The following VWA8 variants were observed in gnomAD, a reference collection of about 807,000 sequenced individuals.
VWA8 encodes the protein von Willebrand factor A domain-containing protein 8.
VWA8 carries 221 observed loss-of-function variants against 241.5 expected under a neutral mutation model. That is an observed-to-expected ratio of 0.91 (90% CI 0.82 to 1.02). The LOEUF (loss-of-function observed/expected upper bound fraction) is 1.02, where lower values mean the gene tolerates loss of function less well. VWA8 is among the 50% of genes least tolerant of loss of function. VWA8 has a pLI of 0.00. For synonymous variants in VWA8, 852 were observed against 827.1 expected, an observed-to-expected ratio of 1.03 and a Z score of -0.52; for missense variants, 2,322 against 2,328.7, an observed-to-expected ratio of 1.00 and a Z score of 0.06.
intron 20 of VWA8, among the ~76,000 whole-genome samples, chr13:41,763,410 A>T (rs1449472705): frequency 6.6e-6 from 1 of 152,198 alleles, no homozygotes; most frequent in Non-Finnish European, 1.5e-5. Flanking sequence ...AGGTTATCGG[A>T]GCTGAATGTC....
chr13:41,897,089 T>C (rs1875145589), intron 4 of VWA8, among the ~76,000 whole-genome samples: 1 of 152,206 alleles, frequency 6.6e-6, no homozygotes, highest in Admixed American at 6.5e-5. Flanking sequence ...GCTCCATCTT[T>C]ACCTGTGAAA....
chr13:41,771,664 T>C (rs1300868782), intron 20 of VWA8, among the ~76,000 whole-genome samples: 1 of 152,168 alleles, frequency 6.6e-6, no homozygotes, highest in Non-Finnish European at 1.5e-5. Context: ...CTGCAACTTC[T>C]GCCTCCCATA....
At chr13:41,797,863 TCTAA>T (rs920548167) in intron 17 of VWA8, among the ~76,000 whole-genome samples, 2 of 152,178 alleles carry the variant, frequency 1.3e-5, no homozygotes, top group African/African-American at 4.8e-5. Flanking sequence ...AATCAGAATC[TCTAA>T]CTGTTATCTG....
chr13:41,689,239 C>T (rs2045158434), intron 34 of VWA8, 115 bp downstream of exon 34: 2 of 1,164,474 alleles, frequency 1.7e-6, no homozygotes, highest in Non-Finnish European at 2.3e-6. Flanking sequence ...AGACTTGATC[C>T]AACATGTTTA....
chr13:41,737,220 G>A (rs767760710), intron 21 of VWA8, among the ~76,000 whole-genome samples: 15 of 152,192 alleles, frequency 9.9e-5, no homozygotes, highest in Non-Finnish European at 1.9e-4. Flanking sequence ...CATTGACTGA[G>A]AGAAGTAAAT....
rs933848128 is a variant in VWA8, at chr13:41,898,859, G to A, written c.484-7272C>T. Among the ~76,000 whole-genome samples, 12 of 152,270 alleles carry A rather than the reference G, an allele frequency of 7.9e-5. No homozygotes were observed. The South Asian group carries it at 1.7e-3, about 21-fold the overall frequency. ...CTCATTGCCCGGGGCCTGCAGGGCC[G>A]GCCGGCTGCTCCGAGTGTGGGCCCG... On this transcript the variant is annotated intron_variant, in intron 4 of 44. Transcript: ENST00000379310.
chr13:41,705,951 C>T (rs1322821216), intron 26 of VWA8, among the ~76,000 whole-genome samples: 1 of 152,110 alleles, frequency 6.6e-6, no homozygotes, highest in East Asian at 1.9e-4. Context: ...GAATACATCC[C>T]AAATTGGTTC....
chr13:41,759,141 G>C (rs1424635738), intron 21 of VWA8, among the ~76,000 whole-genome samples: 1 of 151,478 alleles, frequency 6.6e-6, no homozygotes, highest in Non-Finnish European at 1.5e-5. Context: ...ACACAGGTCT[G>C]CTGATAAAAA....
intron 4 of VWA8, among the ~76,000 whole-genome samples, chr13:41,897,354 CCT>C (rs1471701770): frequency 1.3e-5 from 2 of 152,068 alleles, no homozygotes; most frequent in Non-Finnish European, 2.9e-5. Flanking sequence ...CACAATGAGA[CCT>C]CTCACTCCAG....
In VWA8 at chr13:41,587,586, C is replaced by T; in HGVS notation, c.5197G>A (p.Gly1733Ser). The change falls in exon 42 of 45, where the codon GGC (glycine) becomes AGC (serine). Residue 1733 changes from glycine (G) to serine (S), a missense_variant. Gly to Ser is a moderately conservative substitution (Grantham distance 56). Coordinates refer to ENST00000379310, the MANE Select transcript of VWA8 (RefSeq NM_015058.2). ...GCCTCCATTGTGCGCTCAAGCCGGC[C>T]ATCCATCCTGTTGAAACGGTACATG... ...GSMYRFNRMD[G>S]RLERTMEAVC... The T allele has an allele frequency of 2.5e-6, 4 of 1,614,206 alleles. No homozygotes were observed. The highest frequency in any genetic ancestry group is 2.5e-6 in the Non-Finnish European group (3 of 1,180,040).
chr13:41,730,977 C>T (rs1472336056), intron 22 of VWA8, among the ~76,000 whole-genome samples: 1 of 150,438 alleles, frequency 6.6e-6, no homozygotes, highest in Non-Finnish European at 1.5e-5. Flanking sequence ...CTAACCTGCA[C>T]ATTGTGCACA....
intron 43 of VWA8, among the ~76,000 whole-genome samples, chr13:41,575,187 C>T (rs1469733193): frequency 6.6e-6 from 1 of 152,048 alleles, no homozygotes; most frequent in Non-Finnish European, 1.5e-5. Flanking sequence ...TGTATGTTCT[C>T]ACTTATAGGT....
At chr13:41,671,944 A>T (rs1769495934) in intron 36 of VWA8, among the ~76,000 whole-genome samples, 1 of 152,222 alleles carries the variant, frequency 6.6e-6, no homozygotes, top group South Asian at 2.1e-4. Flanking sequence ...GCACATTAAA[A>T]GACAAGATAT....
intron 21 of VWA8, 28 bp from the exon 22 acceptor site, chr13:41,732,183 T>C: frequency 6.3e-7 from 1 of 1,591,968 alleles, no homozygotes; most frequent in South Asian, 1.1e-5. Context: ...CATTTTATAG[T>C]TAGGAAGGAA....
intron 3 of VWA8, 86 bp from the exon 4 acceptor site, chr13:41,907,782 G>A (rs1284226853): frequency 8.6e-7 from 1 of 1,168,258 alleles, no homozygotes; most frequent in African/African-American, 1.5e-5. Context: ...CAATGCCATT[G>A]CCCATGAGAA....
At chr13:41,784,747 T>TACATACACACAC (rs1869101924) in intron 18 of VWA8, among the ~76,000 whole-genome samples, 1 of 103,524 alleles carries the variant, frequency 9.7e-6, no homozygotes. Flanking sequence ...CATATATATA[T>TACATACACACAC]ATATATATAT....
chr13:41,622,604 GGTAA>G (rs1245599080), intron 37 of VWA8, among the ~76,000 whole-genome samples: 1 of 152,112 alleles, frequency 6.6e-6, no homozygotes, highest in African/African-American at 2.4e-5. Flanking sequence ...CTTTCTTTTA[GGTAA>G]GTGTGCTATA....
intron 1 of VWA8, among the ~76,000 whole-genome samples, chr13:41,959,609 T>TTTTTTTTTTA: frequency 7.9e-6 from 1 of 125,866 alleles, no homozygotes; most frequent in Non-Finnish European, 1.7e-5. Context: ...AAATATGCTT[T>TTTTTTTTTTA]TTTTTTTTTT....
At chr13:41,915,214 T>C (rs189363860) in intron 2 of VWA8, among the ~76,000 whole-genome samples, 17 of 152,222 alleles carry the variant, frequency 1.1e-4, no homozygotes, top group Non-Finnish European at 7.3e-5. Flanking sequence ...CTGGGAATTA[T>C]GTATAATCAT....
Sources: gnomAD v4.1 joint callset for allele counts (sites outside exome capture counted in the v4.1 genomes callset) on GRCh38, gnomAD v4.1.1 for gene constraint, MANE v1.5 for transcripts, NCBI Gene and HGNC (gene_info 2026-07-23, HGNC 2026-07-21) for gene names.